CAMK2B: variants seen among roughly 807,000 people sequenced by gnomAD.
The protein encoded by CAMK2B is calcium/calmodulin-dependent protein kinase type II subunit beta.
In CAMK2B, 27 loss-of-function variants were observed where a neutral mutation model predicts 93.7. The ratio of observed to expected loss-of-function variants is 0.29; its 90% confidence interval spans 0.21 to 0.40. CAMK2B has a LOEUF of 0.40. Ranked by LOEUF, CAMK2B falls within the 10% of genes least tolerant of loss-of-function variation. The pLI is 1.00. For synonymous variants in CAMK2B, 374 were observed against 358.8 expected, an observed-to-expected ratio of 1.04 and a Z score of -0.48; for missense variants, 568 against 895.8, an observed-to-expected ratio of 0.63 and a Z score of 4.67.
At chr7:44,221,897 AAC>A (rs1292386595) in intron 20 of CAMK2B, among the ~76,000 whole-genome samples, 1 of 152,248 alleles carries the variant, frequency 6.6e-6, no homozygotes, top group African/African-American at 2.4e-5. Flanking sequence ...TTCAAATCTT[AAC>A]ATTTTCCTAT....
intron 1 of CAMK2B, among the ~76,000 whole-genome samples, chr7:44,323,530 T>C (rs1796685520): frequency 6.6e-6 from 1 of 152,156 alleles, no homozygotes; most frequent in Non-Finnish European, 1.5e-5. Flanking sequence ...AATCGGAGGC[T>C]CAGCGGGGAG....
rs1171716285 is a variant in CAMK2B at position 44,311,318 on chromosome 7, C to T, written c.65+14039G>A. Among the ~76,000 whole-genome samples the T allele has an allele frequency of 2.6e-5, 4 of 152,152 alleles. No homozygotes were observed. The highest frequency in any genetic ancestry group is 6.5e-5 in the Admixed American group (1 of 15,280). ...CTCGAACTCCTGACTTCAAGTGATCCGCCCATCTCGGCCTCCCAAAGTGCT... is the reference window on the plus strand; with the variant it reads ...CTCGAACTCCTGACTTCAAGTGATCTGCCCATCTCGGCCTCCCAAAGTGCT... On this transcript the variant is annotated intron_variant, in intron 1 of 23. Coordinates refer to ENST00000395749, the MANE Select transcript of CAMK2B (RefSeq NM_001220.5). The surrounding 1 kb of genome is among the most constrained non-coding windows in gnomAD (Gnocchi z 4.2).
At chr7:44,319,207 A>G (rs953603792) in intron 1 of CAMK2B, among the ~76,000 whole-genome samples, 1 of 152,214 alleles carries the variant, frequency 6.6e-6, no homozygotes, top group Non-Finnish European at 1.5e-5. Flanking sequence ...TTTTGAAAAT[A>G]TATTTAAAAT....
At chr7:44,223,438 C>T (rs555959592) in intron 20 of CAMK2B, among the ~76,000 whole-genome samples, 1 of 152,316 alleles carries the variant, frequency 6.6e-6, no homozygotes, top group East Asian at 1.9e-4. Context: ...GCCCCTTCCC[C>T]TCCAGTTCCT....
chr7:44,311,306 C>T lies in CAMK2B; in HGVS notation c.65+14051G>A, dbSNP rs1793482944. Among the ~76,000 whole-genome samples, 1 of 152,196 alleles carries T rather than the reference C, an allele frequency of 6.6e-6. No individual in the cohort carries two copies. The highest frequency in any genetic ancestry group is 2.1e-4 in the South Asian group (1 of 4,834). On this transcript the variant is annotated intron_variant, in intron 1 of 23. Transcript: ENST00000395749. The surrounding 1 kb of genome is among the most constrained non-coding windows in gnomAD (Gnocchi z 4.2). ...GGCCAGGCTGGTCTCGAACTCCTGA[C>T]TTCAAGTGATCCGCCCATCTCGGCC...
Position 44,306,346 on chromosome 7 carries a change from G to A in CAMK2B, c.65+19011C>T, listed in dbSNP as rs114224096. Among the ~76,000 whole-genome samples the A allele has an allele frequency of 4.0e-3, 615 of 152,282 alleles. 6 individuals carry two copies. Among genetic ancestry groups the A allele is most frequent in the African/African-American group, 0.014 (588 of 41,536 alleles). On this transcript the variant is annotated intron_variant, in intron 1 of 23. Transcript: ENST00000395749. ...ATCCATCTTTCTCTTTCACTTCTCC[G>A]TTCTCTCAGGTGAACCATATCCTCC...
In CAMK2B at chr7:44,225,707, C is replaced by T. The variant is rs2096467080; in HGVS notation, c.1597+809G>A. ...TGGCCGCCTGCAGCAGCCCCCAGGC[C>T]CAGCCTGCAGAGGGGACGGTGGCAA... On this transcript the variant is annotated intron_variant, in intron 20 of 23. Transcript: ENST00000395749. This position sits in a 1 kb window ranked among gnomAD's most constrained non-coding sequence, Gnocchi z 5.0. 2 of 1,286,592 alleles carry T rather than the reference C, an allele frequency of 1.6e-6. No homozygotes were observed. Among genetic ancestry groups the T allele is most frequent in the African/African-American group, 3.0e-5 (2 of 65,798 alleles). The allele number at this position is 1,286,592 out of a possible 1,614,324, so 79.7% of individuals were successfully genotyped here.
At chr7:44,319,946 G>A (rs1211889677) in intron 1 of CAMK2B, among the ~76,000 whole-genome samples, 3 of 152,092 alleles carry the variant, frequency 2.0e-5, no homozygotes, top group Admixed American at 6.5e-5. Context: ...ATGTAGATGT[G>A]TATATATGTA....
chr7:44,270,279 A>G (rs971449402), intron 2 of CAMK2B, among the ~76,000 whole-genome samples: 13 of 152,110 alleles, frequency 8.5e-5, no homozygotes, highest in African/African-American at 3.1e-4. Context: ...CACATGGCAG[A>G]AGGGCTCTGC....
chr7:44,250,137 C>T (rs1380933610), intron 5 of CAMK2B, among the ~76,000 whole-genome samples: 3 of 152,230 alleles, frequency 2.0e-5, no homozygotes, highest in Non-Finnish European at 4.4e-5. Flanking sequence ...AGGCTGCACC[C>T]AGCAGGGTAG....
At chr7:44,267,866 T>C (rs2096933559) in intron 2 of CAMK2B, 1 of 152,268 alleles carries the variant, frequency 6.6e-6, no homozygotes, top group Non-Finnish European at 1.5e-5. Flanking sequence ...TTAATTCTAA[T>C]GATAGTGCGA....
intron 5 of CAMK2B, among the ~76,000 whole-genome samples, chr7:44,252,603 T>C (rs2096790815): frequency 6.6e-6 from 1 of 151,870 alleles, no homozygotes; most frequent in African/African-American, 2.4e-5. Context: ...TGGGATCCGA[T>C]CTGCTGATGG....
chr7:44,261,646 T>C (rs577613732), intron 3 of CAMK2B, among the ~76,000 whole-genome samples: 16 of 151,402 alleles, frequency 1.1e-4, no homozygotes, highest in African/African-American at 3.9e-4. Flanking sequence ...GTGGACACTT[T>C]AAAAAAAAAC....
intron 20 of CAMK2B, 95 bp downstream of exon 20, chr7:44,226,421 G>C (rs1431451324): frequency 6.5e-6 from 7 of 1,070,030 alleles, no homozygotes; most frequent in African/African-American, 1.7e-5. Flanking sequence ...GCCCTCCTCC[G>C]CAAGAATGGC....
chr7:44,257,878 G>A (rs1201290197), intron 4 of CAMK2B, among the ~76,000 whole-genome samples: 2 of 152,282 alleles, frequency 1.3e-5, no homozygotes, highest in Non-Finnish European at 2.9e-5. Context: ...CAGCCCCCAC[G>A]CAGGCGTGTC....
In CAMK2B at chr7:44,218,884, G is replaced by A. The variant is rs1162353197; in HGVS notation, c.*641C>T. 2 of 152,246 alleles carry A rather than the reference G, an allele frequency of 1.3e-5. No homozygotes were observed. Among genetic ancestry groups the A allele is most frequent in the Admixed American group, 6.5e-5 (1 of 15,282 alleles). The allele number at this position is 152,246 out of a possible 1,614,324, so 9.4% of individuals were successfully genotyped here. ...CCGTGCTGGGTGTGTGGGGATACCG[G>A]GCACGGAAAACCCACACCTAGCCCT... On this transcript the variant is annotated 3_prime_UTR_variant, in exon 24 of 24. Coordinates refer to ENST00000395749, the MANE Select transcript of CAMK2B (RefSeq NM_001220.5).
intron 1 of CAMK2B, among the ~76,000 whole-genome samples, chr7:44,304,671 C>T (rs556581424): frequency 1.3e-5 from 2 of 152,302 alleles, no homozygotes; most frequent in African/African-American, 4.8e-5. Context: ...ACTGTAATGA[C>T]AGATACATGT....
chr7:44,258,989 C>G, intron 3 of CAMK2B, 63 bp from the exon 4 acceptor site: 1 of 1,402,564 alleles, frequency 7.1e-7, no homozygotes, highest in Non-Finnish European at 1.0e-6. Context: ...CTGCCTGCCT[C>G]CGTACCTGTC....
chr7:44,301,231 G>C (rs1345271630), intron 1 of CAMK2B, among the ~76,000 whole-genome samples: 1 of 152,128 alleles, frequency 6.6e-6, no homozygotes, highest in Non-Finnish European at 1.5e-5. Context: ...AGGCTCAAAT[G>C]ATCCTCCCGC....
Sources: allele counts gnomAD v4.1 joint callset (sites outside exome capture counted in the v4.1 genomes callset), GRCh38; gene constraint gnomAD v4.1.1; non-coding constraint Gnocchi (gnomAD v3.1); transcripts MANE v1.5; gene names NCBI Gene and HGNC (gene_info 2026-07-23, HGNC 2026-07-21).